DPP8: variants seen among roughly 807,000 people sequenced by gnomAD.
The protein encoded by DPP8 is DPP VIII.
A neutral mutation model predicts 107.5 loss-of-function variants in DPP8; 31 were observed. The ratio of observed to expected loss-of-function variants is 0.29; its 90% confidence interval spans 0.22 to 0.39. The LOEUF (loss-of-function observed/expected upper bound fraction) is 0.39, where lower values mean the gene tolerates loss of function less well. DPP8 is among the 10% of genes least tolerant of loss of function. The pLI is 1.00. For missense variants in DPP8, 842 were observed against 1,076.1 expected, an observed-to-expected ratio of 0.78 and a Z score of 3.04; for synonymous variants, 381 against 356.6, an observed-to-expected ratio of 1.07 and a Z score of -0.77.
chr15:65,506,651 TATATAAAC>T (rs1343632357), intron 3 of DPP8, among the ~76,000 whole-genome samples: 1 of 147,042 alleles, frequency 6.8e-6, no homozygotes, highest in African/African-American at 2.5e-5. Context: ...ATATATAAAA[TATATAAAC>T]ATATAAACAT....
intron 12 of DPP8, among the ~76,000 whole-genome samples, chr15:65,473,383 T>C (rs1283162970): frequency 6.6e-6 from 1 of 150,562 alleles, no homozygotes; most frequent in Non-Finnish European, 1.5e-5. Flanking sequence ...GACTAACCTA[T>C]CACAAGTAAA....
rs371246881 is a variant in DPP8 at position 65,504,667 on chromosome 15, C to CAAAAAAA, written c.372+2569_372+2575dup. Reference sequence around the variant, plus strand: ...CTGGCGACAGAGCAAGATTCCGTCTCAAAAAAAAAAAAAAAAAAACTGTGG... The same window carrying CAAAAAAA: ...CTGGCGACAGAGCAAGATTCCGTCTCAAAAAAAAAAAAAAAAAAAAAAAAAACTGTGG... On this transcript the variant is annotated intron_variant, in intron 3 of 19. Coordinates refer to ENST00000300141, the MANE Select transcript of DPP8 (RefSeq NM_130434.5). Among the ~76,000 whole-genome samples the CAAAAAAA allele has an allele frequency of 8.5e-3, 919 of 108,736 alleles. 29 individuals carry two copies. Among genetic ancestry groups the CAAAAAAA allele is most frequent in the African/African-American group, 0.034 (870 of 25,652 alleles). 71.3% of individuals were successfully genotyped at this position (108,736 alleles called of 152,430 possible).
At chr15:65,516,877 G>C (rs1158243862) in intron 1 of DPP8, 2 of 152,404 alleles carry the variant, frequency 1.3e-5, no homozygotes, top group African/African-American at 4.8e-5. Context: ...GCATAGCAGA[G>C]AATATTGAGA....
At chr15:65,471,255 GA>G (rs984377944) in intron 12 of DPP8, among the ~76,000 whole-genome samples, 1 of 151,964 alleles carries the variant, frequency 6.6e-6, no homozygotes, top group Non-Finnish European at 1.5e-5. Flanking sequence ...AAATAAAACA[GA>G]AAAAAATTAT....
At chr15:65,470,991 T>C (rs769378697) in intron 12 of DPP8, among the ~76,000 whole-genome samples, 2 of 149,948 alleles carry the variant, frequency 1.3e-5, no homozygotes, top group Non-Finnish European at 3.0e-5. Flanking sequence ...AAACATGACA[T>C]GAAAGAAAAC....
chr15:65,458,986 T>C (rs571859702), intron 15 of DPP8: 1 of 150,460 alleles, frequency 6.6e-6, no homozygotes, highest in East Asian at 2.0e-4. Context: ...TGAAATCTCA[T>C]GGGAAAATCT....
chr15:65,507,133 C>A, intron 3 of DPP8, 110 bp downstream of exon 3: 2 of 555,044 alleles, frequency 3.6e-6, no homozygotes, highest in South Asian at 3.5e-5. Flanking sequence ...ATAAAAACAT[C>A]TTAATTTTTT....
chr15:65,512,727 C>T (rs1027002990), intron 1 of DPP8, 163 bp from the exon 2 acceptor site: 4 of 662,266 alleles, frequency 6.0e-6, no homozygotes, highest in Non-Finnish European at 1.0e-5. Flanking sequence ...ACAGCTCTCC[C>T]TTCTCTGTGT....
At chr15:65,473,145 G>A (rs1402366260) in intron 12 of DPP8, among the ~76,000 whole-genome samples, 1 of 151,680 alleles carries the variant, frequency 6.6e-6, no homozygotes, top group African/African-American at 2.4e-5. Flanking sequence ...TGGCCAACAT[G>A]ACGAAACCCT....
rs1459597025 is a variant in DPP8, at chr15:65,443,331, T to G, written c.*3553A>C. On this transcript the variant is annotated 3_prime_UTR_variant, in exon 20 of 20. Coordinates refer to ENST00000300141, the MANE Select transcript of DPP8 (RefSeq NM_130434.5). ...TCTCTCTCTAGCATGTAGGTTGTTCTTCTAACAAATGAGAATATCAGCTTA... is the reference window on the plus strand; with the variant it reads ...TCTCTCTCTAGCATGTAGGTTGTTCGTCTAACAAATGAGAATATCAGCTTA... 4 of 152,198 alleles carry G rather than the reference T, an allele frequency of 2.6e-5. No individual in the cohort carries two copies. The highest frequency in any genetic ancestry group is 5.9e-5 in the Non-Finnish European group (4 of 68,048). The allele number at this position is 152,198 out of a possible 1,614,324, so 9.4% of individuals were successfully genotyped here.
Position 65,511,580 on chromosome 15 carries a change from C to T in DPP8, c.259+715G>A, listed in dbSNP as rs555454721. On this transcript the variant is annotated intron_variant, in intron 2 of 19. Coordinates refer to ENST00000300141, the MANE Select transcript of DPP8 (RefSeq NM_130434.5). ...GTTTGAGCCTGGGAGGTCAAGGCTG[C>T]AGTGAGCCATTAGTGTGCCACTGCA... Among the ~76,000 whole-genome samples the T allele has an allele frequency of 1.6e-4, 23 of 142,192 alleles. No individual in the cohort carries two copies. In the East Asian group the frequency reaches 4.8e-3, roughly 30 times the overall value. 93.3% of individuals were successfully genotyped at this position (142,192 alleles called of 152,430 possible).
At chr15:65,487,626 T>G (rs1451414617) in intron 7 of DPP8, 64 bp downstream of exon 7, 4 of 1,526,068 alleles carry the variant, frequency 2.6e-6, no homozygotes, top group African/African-American at 2.8e-5. Flanking sequence ...TTTGGATGAC[T>G]ACAGAAAGAA....
intron 14 of DPP8, among the ~76,000 whole-genome samples, chr15:65,464,129 C>T (rs1341363988): frequency 2.0e-5 from 3 of 151,698 alleles, no homozygotes; most frequent in Non-Finnish European, 2.9e-5. Flanking sequence ...TTTGGGAGGC[C>T]GAGGCAGGTG....
rs532411504 is a variant in DPP8, at chr15:65,490,084, G to A, written c.826+105C>T. ...ATCATCACTTTGGAATCTATTATCC[G>A]CTTTCAAATCTATTATCCAAGATTT... On this transcript the variant is annotated intron_variant, in intron 6 of 19. Coordinates refer to ENST00000300141, the MANE Select transcript of DPP8 (RefSeq NM_130434.5). The A allele has an allele frequency of 2.2e-5, 14 of 649,544 alleles. No homozygotes were observed. The African/African-American group carries it at 2.2e-4, about 10-fold the overall frequency. The allele number at this position is 649,544 out of a possible 1,614,324, so 40.2% of individuals were successfully genotyped here.
At chr15:65,475,470 G>A (rs2066299581) in intron 11 of DPP8, 1 of 1,553,582 alleles carries the variant, frequency 6.4e-7, no homozygotes, top group Non-Finnish European at 8.8e-7. Context: ...CTGCAGGGCT[G>A]GGGTCCCTGT....
intron 15 of DPP8, among the ~76,000 whole-genome samples, chr15:65,459,826 G>A (rs117588123): frequency 0.011 from 1,726 of 151,942 alleles, 18 homozygotes; most frequent in Middle Eastern, 0.045. Flanking sequence ...ATGGTGCTGC[G>A]CACCTGTAGT....
At chr15:65,454,476 T>C in intron 16 of DPP8, 61 bp from the exon 17 acceptor site, 1 of 1,418,034 alleles carries the variant, frequency 7.1e-7, no homozygotes, top group Non-Finnish European at 9.5e-7. Context: ...TAAGAGTGCT[T>C]TCAAAGATGA....
Position 65,442,642 on chromosome 15 carries a change from T to C in DPP8, c.*4242A>G, listed in dbSNP as rs915749225. The C allele has an allele frequency of 1.3e-5, 2 of 152,232 alleles. No individual in the cohort carries two copies. Among genetic ancestry groups the C allele is most frequent in the Admixed American group, 1.3e-4 (2 of 15,282 alleles). The allele number at this position is 152,232 out of a possible 1,614,324, so 9.4% of individuals were successfully genotyped here. A position where few individuals can be genotyped will look rare whatever the true frequency, so the allele number is the denominator to read the frequency against. ...AATGCTTAAAACAGCAGGCACTTCATGTTCTAAAATTAAACACCTGAATTC... is the reference window on the plus strand; with the variant it reads ...AATGCTTAAAACAGCAGGCACTTCACGTTCTAAAATTAAACACCTGAATTC... On this transcript the variant is annotated 3_prime_UTR_variant, in exon 20 of 20. Coordinates refer to ENST00000300141, the MANE Select transcript of DPP8 (RefSeq NM_130434.5).
Position 65,471,406 on chromosome 15 carries a change from T to C in DPP8, c.1536+2803A>G, listed in dbSNP as rs141865993. ...CTGACACCCAGGCTATAGCATAGCA[T>C]TGTGATCACAGCTCAATGCAGCCTC... is the stretch of plus-strand genomic sequence containing the variant. On this transcript the variant is annotated intron_variant, in intron 12 of 19. Coordinates refer to ENST00000300141, the MANE Select transcript of DPP8 (RefSeq NM_130434.5). Among the ~76,000 whole-genome samples, 90 of 152,146 alleles carry C rather than the reference T, an allele frequency of 5.9e-4. No homozygotes were observed. The Middle Eastern group carries it at 0.02, about 35-fold the overall frequency.
Sources: allele counts gnomAD v4.1 joint callset (sites outside exome capture counted in the v4.1 genomes callset), GRCh38; gene constraint gnomAD v4.1.1; transcripts MANE v1.5; gene names NCBI Gene and HGNC (gene_info 2026-07-23, HGNC 2026-07-21).